The following TNNI3K variants were observed in gnomAD, a reference collection of about 807,000 sequenced individuals.
The protein encoded by TNNI3K is TNNI3 interacting kinase.
TNNI3K carries 140 observed loss-of-function variants against 114.5 expected under a neutral mutation model. The observed-to-expected ratio is 1.22, with a 90% CI of 1.07 to 1.41. The LOEUF (loss-of-function observed/expected upper bound fraction) is 1.41. Ranked by LOEUF, TNNI3K falls within the 40% of genes most tolerant of loss-of-function variation. The pLI is 0.00. For missense variants in TNNI3K, 1,125 were observed against 1,007.6 expected (o/e 1.12, Z -1.58); for synonymous variants, 347 against 347.5 (o/e 1.00, Z 0.02).
intron 5 of TNNI3K, among the ~76,000 whole-genome samples, chr1:74,312,221 T>C (rs1366515956): frequency 6.6e-6 from 1 of 152,226 alleles, no homozygotes; most frequent in Non-Finnish European, 1.5e-5. Flanking sequence ...CTGGAGATTA[T>C]TAAAAGTAGG....
rs1249343086 is a variant in TNNI3K, at chr1:74,447,956, T to C, written c.2011+8334T>C. The stretch of plus-strand genomic sequence containing the variant: ...TAAAAAATGATGAGTTCATATCCTT[T>C]GTAGGGACATGGATGAAATTGGAAA... On this transcript the variant is annotated intron_variant, in intron 20 of 24. Coordinates refer to ENST00000326637, the MANE Select transcript of TNNI3K (RefSeq NM_015978.3). 7.4e-3 allele frequency among the ~76,000 whole-genome samples: 105 copies of C among 14,224 alleles called. 1 individual carries two copies. Among genetic ancestry groups the C allele is most frequent in the African/African-American group, 0.031 (94 of 3,080 alleles). 9.3% of individuals were successfully genotyped at this position (14,224 alleles called of 152,430 possible).
intron 23 of TNNI3K, among the ~76,000 whole-genome samples, chr1:74,520,937 G>A (rs971151457): frequency 6.6e-6 from 1 of 152,130 alleles, no homozygotes; most frequent in East Asian, 1.9e-4. Flanking sequence ...TGACATGGGA[G>A]CAGAGGTGAA....
chr1:74,348,438 T>C (rs925381722), intron 9 of TNNI3K, among the ~76,000 whole-genome samples: 1 of 152,216 alleles, frequency 6.6e-6, no homozygotes, highest in Admixed American at 6.5e-5. Flanking sequence ...GCATGATGCC[T>C]CCAACTTTGT....
chr1:74,495,129 C>A (rs45524939), intron 23 of TNNI3K, among the ~76,000 whole-genome samples: 4,771 of 152,228 alleles, frequency 0.031, 252 homozygotes, highest in African/African-American at 0.11. Context: ...TCTGGCCCTT[C>A]CTGACTGTTA....
chr1:74,501,502 T>TTGTTTGTTTGTC (rs1570708778), intron 23 of TNNI3K, among the ~76,000 whole-genome samples: 2 of 148,802 alleles, frequency 1.3e-5, no homozygotes, highest in East Asian at 3.9e-4. Context: ...GTTTGTTTGT[T>TTGTTTGTTTGTC]TGTTTTTTGA....
intron 5 of TNNI3K, among the ~76,000 whole-genome samples, chr1:74,308,032 T>C (rs748286442): frequency 1.3e-5 from 2 of 151,570 alleles, no homozygotes; most frequent in Non-Finnish European, 2.9e-5. Flanking sequence ...CAAGACTCCA[T>C]CTAAAAATAT....
At chr1:74,246,355 T>C (rs780097304) in intron 2 of TNNI3K, among the ~76,000 whole-genome samples, 4 of 152,246 alleles carry the variant, frequency 2.6e-5, no homozygotes, top group Non-Finnish European at 5.9e-5. Context: ...TGACTTCAAA[T>C]AGTAGAGGTA....
chr1:74,402,600 C>G (rs768589204), intron 17 of TNNI3K, among the ~76,000 whole-genome samples: 19 of 152,190 alleles, frequency 1.2e-4, no homozygotes, highest in Non-Finnish European at 2.4e-4. Context: ...ATTTTCATAT[C>G]TGGTTTATTT....
At chr1:74,333,913 T>C (rs893955875) in intron 6 of TNNI3K, among the ~76,000 whole-genome samples, 6 of 152,240 alleles carry the variant, frequency 3.9e-5, no homozygotes, top group African/African-American at 1.2e-4. Context: ...TGCTTAGGCA[T>C]GCAAGGTTCT....
intron 6 of TNNI3K, among the ~76,000 whole-genome samples, chr1:74,331,990 A>C (rs2100414090): frequency 6.6e-6 from 1 of 152,310 alleles, no homozygotes; most frequent in Admixed American, 6.5e-5. Context: ...TGCTAATGGC[A>C]ATAACAATAA....
chr1:74,368,080 C>T, intron 13 of TNNI3K, 116 bp downstream of exon 13: 2 of 997,900 alleles, frequency 2.0e-6, no homozygotes, highest in Non-Finnish European at 2.8e-6. Context: ...ACAAGCACAA[C>T]AAATATTATT....
intron 17 of TNNI3K, among the ~76,000 whole-genome samples, chr1:74,397,607 A>T (rs938704777): frequency 6.6e-6 from 1 of 152,230 alleles, no homozygotes; most frequent in African/African-American, 2.4e-5. Context: ...GTTTCTTATG[A>T]AAAGGAGAGG....
At chr1:74,335,148 T>C (rs45549434) in intron 6 of TNNI3K, among the ~76,000 whole-genome samples, 4,060 of 152,218 alleles carry the variant, frequency 0.027, 198 homozygotes, top group African/African-American at 0.094. Context: ...TTAAACAAAT[T>C]CCTAATCTAA....
At chr1:74,464,741 A>C in intron 21 of TNNI3K, 1 of 1,573,868 alleles carries the variant, frequency 6.4e-7, no homozygotes, top group Non-Finnish European at 8.6e-7. Context: ...CTCAGAAGAT[A>C]ACCTCTTATC....
chr1:74,321,613 A>G (rs796385601), intron 5 of TNNI3K, among the ~76,000 whole-genome samples: 5 of 152,072 alleles, frequency 3.3e-5, no homozygotes, highest in African/African-American at 9.6e-5. Flanking sequence ...AAATTATTTT[A>G]TATACATAAG....
chr1:74,286,113 A>G (rs1335200772), intron 5 of TNNI3K, among the ~76,000 whole-genome samples: 3 of 152,216 alleles, frequency 2.0e-5, no homozygotes, highest in Non-Finnish European at 2.9e-5. Context: ...ATAGTTTTAC[A>G]TTATGCATGT....
intron 6 of TNNI3K, among the ~76,000 whole-genome samples, chr1:74,334,623 A>G (rs2100421495): frequency 6.6e-6 from 1 of 152,350 alleles, no homozygotes; most frequent in East Asian, 1.9e-4. Context: ...ACCTGAAACA[A>G]TCGCAGGAAG....
At chr1:74,276,090 G>T (rs1198702747) in intron 5 of TNNI3K, among the ~76,000 whole-genome samples, 2 of 152,040 alleles carry the variant, frequency 1.3e-5, no homozygotes, top group Non-Finnish European at 2.9e-5. Flanking sequence ...AACAAAGAAA[G>T]ATAAAAGCTT....
chr1:74,416,911 T>C (rs1665144617), intron 17 of TNNI3K, among the ~76,000 whole-genome samples: 2 of 152,042 alleles, frequency 1.3e-5, no homozygotes, highest in South Asian at 4.1e-4. Context: ...GAATATCTGA[T>C]TATTTCCTCC....
Sources: gnomAD v4.1 joint callset for allele counts (sites outside exome capture counted in the v4.1 genomes callset) on GRCh38, gnomAD v4.1.1 for gene constraint, MANE v1.5 for transcripts, NCBI Gene and HGNC (gene_info 2026-07-23, HGNC 2026-07-21) for gene names.